SRSF12: variants seen among roughly 807,000 people sequenced by gnomAD.
SRSF12 encodes the protein serine/arginine-rich splicing factor 12.
In SRSF12, 21 loss-of-function variants were observed where a neutral mutation model predicts 34.1. The ratio of observed to expected loss-of-function variants is 0.62; its 90% CI spans 0.44 to 0.89. The LOEUF (loss-of-function observed/expected upper bound fraction) is 0.89, where lower values mean the gene tolerates loss of function less well. Ranked by LOEUF, SRSF12 falls within the 40% of genes least tolerant of loss-of-function variation. The pLI, the probability that SRSF12 is intolerant of heterozygous loss-of-function variation, is 0.00. For missense variants in SRSF12, 278 were observed against 327.8 expected, an observed-to-expected ratio of 0.85 and a Z score of 1.17; for synonymous variants, 111 against 110.8, an observed-to-expected ratio of 1.00 and a Z score of -0.01.
chr6:89,098,684 G>C lies in SRSF12; in HGVS notation c.680C>G (p.Ser227Cys), dbSNP rs370166331. ...TTCAGAATTGGTATACCCTTTGGGA[G>C]ATTTACACGGGGATCTTGCTATTGA... ...SDSIARSPCK[S>C]PKGYTNSETK... Residue 227 changes from serine (S) to cysteine (C), a missense_variant, in exon 5 of 5, where the codon TCT becomes TGT. Transcript: ENST00000452027. 1.2e-6 allele frequency: 2 copies of C among 1,613,910 alleles called. No individual in the cohort carries two copies. Among genetic ancestry groups the C allele is most frequent in the African/African-American group, 2.7e-5 (2 of 74,936 alleles).
At chr6:89,114,573 T>A (rs1239698723) in intron 1 of SRSF12, among the ~76,000 whole-genome samples, 1 of 151,794 alleles carries the variant, frequency 6.6e-6, no homozygotes, top group Non-Finnish European at 1.5e-5. Context: ...TATAATCTTG[T>A]AGATTTTGAT....
intron 1 of SRSF12, among the ~76,000 whole-genome samples, chr6:89,113,815 G>A (rs1274335783): frequency 6.6e-6 from 1 of 151,950 alleles, no homozygotes; most frequent in Non-Finnish European, 1.5e-5. Context: ...GCTAATTTTT[G>A]TATTTTTTGG....
chr6:89,111,109 CTT>C (rs75997148), intron 1 of SRSF12, among the ~76,000 whole-genome samples: 35 of 120,608 alleles, frequency 2.9e-4, no homozygotes, highest in Admixed American at 2.4e-4. Context: ...TGAGACTTGT[CTT>C]TTTTTTTTTT....
Position 89,117,868 on chromosome 6 carries a change from G to T in SRSF12, c.20C>A (p.Pro7His). Residue 7 changes from proline (P) to histidine (H), a missense_variant, in exon 1 of 5, where the codon CCC (proline) becomes CAC (histidine). Transcript: ENST00000452027. ...CCTGATGAACAGGGAGGTGTTGGGGGGCCTCGTGTAGCGAGACATGACCGC... is the reference window on the plus strand; with the variant it reads ...CCTGATGAACAGGGAGGTGTTGGGGTGCCTCGTGTAGCGAGACATGACCGC... MSRYTR[P>H]PNTSLFIRNV... 6.4e-7 allele frequency: 1 copy of T among 1,563,012 alleles called. No homozygotes were observed.
At chr6:89,109,760 G>A (rs1468584292) in intron 1 of SRSF12, among the ~76,000 whole-genome samples, 1 of 152,174 alleles carries the variant, frequency 6.6e-6, no homozygotes, top group Non-Finnish European at 1.5e-5. Context: ...ATTCAAAAAA[G>A]TACAGAGAAT....
chr6:89,110,065 T>C (rs1768972732), intron 1 of SRSF12, among the ~76,000 whole-genome samples: 1 of 151,962 alleles, frequency 6.6e-6, no homozygotes, highest in East Asian at 1.9e-4. Flanking sequence ...CACTCCAGCC[T>C]GGGCAACAGA....
chr6:89,109,719 T>C lies in SRSF12; in HGVS notation c.66-2461A>G, dbSNP rs539569112. Among the ~76,000 whole-genome samples, 4 of 152,350 alleles carry C rather than the reference T, an allele frequency of 2.6e-5. No homozygotes were observed. The South Asian group carries it at 8.3e-4, about 32-fold the overall frequency. Reference sequence around the variant, plus strand: ...CCCTCACCTGTTAGCTGTTGTTTTATTTTTGCACTTTTGGTATGATCTACT... The same window carrying C: ...CCCTCACCTGTTAGCTGTTGTTTTACTTTTGCACTTTTGGTATGATCTACT... On this transcript the variant is annotated intron_variant, in intron 1 of 4. Transcript: ENST00000452027.
intron 2 of SRSF12, 31 bp from the exon 3 acceptor site, chr6:89,105,561 G>A: frequency 3.5e-6 from 5 of 1,431,916 alleles, no homozygotes; most frequent in Non-Finnish European, 4.7e-6. Context: ...CTTTGAACAT[G>A]AGATATCAAG....
At chr6:89,110,825 C>T (rs933509569) in intron 1 of SRSF12, among the ~76,000 whole-genome samples, 2 of 152,078 alleles carry the variant, frequency 1.3e-5, no homozygotes, top group Non-Finnish European at 2.9e-5. Context: ...TGTTAGAATT[C>T]CCACTGTTGC....
In SRSF12 at chr6:89,098,556, G is replaced by A. The variant is rs377575936; in HGVS notation, c.*22C>T. ...TTTAATAACTTATATTAAAGACGGC[G>A]TGGTGCTCTTTCTGTTGCTGTTCAC... On this transcript the variant is annotated 3_prime_UTR_variant, in exon 5 of 5. Transcript: ENST00000452027. The A allele has an allele frequency of 1.4e-5, 22 of 1,587,108 alleles. No homozygotes were observed. Among genetic ancestry groups the A allele is most frequent in the East Asian group, 1.1e-4 (5 of 44,502 alleles).
chr6:89,099,921 C>T (rs1388855219), intron 4 of SRSF12, among the ~76,000 whole-genome samples: 2 of 152,108 alleles, frequency 1.3e-5, no homozygotes, highest in African/African-American at 4.8e-5. Context: ...GCAGGAAGAA[C>T]CTGAGGGATT....
intron 4 of SRSF12, among the ~76,000 whole-genome samples, chr6:89,099,558 G>A (rs1203402437): frequency 4.4e-5 from 6 of 136,146 alleles, no homozygotes; most frequent in East Asian, 2.1e-4. Context: ...TTTTTGAGAC[G>A]GAGTTTCGCT....
In SRSF12 at chr6:89,117,907, T is replaced by G; in HGVS notation, c.-20A>C. ...AGACATGACCGCTTCCTCCGTTCCCTCCGGGTCTGCCCGCGGCCGCTGGAC... is the reference window on the plus strand; with the variant it reads ...AGACATGACCGCTTCCTCCGTTCCCGCCGGGTCTGCCCGCGGCCGCTGGAC... On this transcript the variant is annotated 5_prime_UTR_variant, in exon 1 of 5. Transcript: ENST00000452027. 2 of 1,556,454 alleles carry G rather than the reference T, an allele frequency of 1.3e-6. No homozygotes were observed. The highest frequency in any genetic ancestry group is 2.3e-5 in the South Asian group (2 of 85,332).
At chr6:89,104,992 T>C (rs9362618) in intron 4 of SRSF12, 127 bp downstream of exon 4, 2 of 921,914 alleles carry the variant, frequency 2.2e-6, no homozygotes, top group Admixed American at 3.1e-5. Flanking sequence ...GGAGGTCAAG[T>C]CTACAGTGGG....
chr6:89,106,172 G>C (rs1768772793), intron 2 of SRSF12, among the ~76,000 whole-genome samples: 1 of 152,150 alleles, frequency 6.6e-6, no homozygotes, highest in African/African-American at 2.4e-5. Flanking sequence ...CCAGGCTGGA[G>C]TGCAATGGCG....
Position 89,107,221 on chromosome 6 carries a change from G to A in SRSF12, c.103C>T (p.Pro35Ser). ...DLRREFGRYG[P>S]IVDVYIPLDF... The stretch of plus-strand genomic sequence containing the variant: ...AGTGGAATGTAAACGTCTACTATAG[G>A]GCCATATCGACCAAACTCACGGCGC... The change falls in exon 2 of 5, where the codon CCT becomes TCT. Residue 35 changes from proline to serine, a missense_variant. Transcript: ENST00000452027. 1 of 1,613,930 alleles carries A rather than the reference G, an allele frequency of 6.2e-7. No individual in the cohort carries two copies. The highest frequency in any genetic ancestry group is 8.5e-7 in the Non-Finnish European group (1 of 1,179,992).
intron 1 of SRSF12, among the ~76,000 whole-genome samples, chr6:89,114,921 C>T (rs1313976844): frequency 6.6e-6 from 1 of 151,362 alleles, no homozygotes; most frequent in Non-Finnish European, 1.5e-5. Flanking sequence ...CTCCGCCTCC[C>T]GAGTAGCTGG....
Position 89,105,548 on chromosome 6 carries a change from A to C in SRSF12, c.171-18T>G, listed in dbSNP as rs1197085825. The C allele has an allele frequency of 1.3e-6, 2 of 1,520,822 alleles. No individual in the cohort carries two copies. The highest frequency in any genetic ancestry group is 2.8e-5 in the African/African-American group (2 of 71,804). 94.2% of individuals were successfully genotyped at this position (1,520,822 alleles called of 1,614,324 possible). A position where few individuals can be genotyped will look rare whatever the true frequency, so the allele number is the denominator to read the frequency against. ...CTTCAAATATGACTAGCTGTTAAGG[A>C]CACTTTGAACATGAGATATCAAGTA... On this transcript the variant is annotated intron_variant, in intron 2 of 4. Transcript: ENST00000452027.
At chr6:89,101,605 G>A (rs986922482) in intron 4 of SRSF12, among the ~76,000 whole-genome samples, 1 of 151,898 alleles carries the variant, frequency 6.6e-6, no homozygotes, top group Non-Finnish European at 1.5e-5. Context: ...GGCTGAGGCA[G>A]GAGAATCGCT....
Sources: allele counts gnomAD v4.1 joint callset (sites outside exome capture counted in the v4.1 genomes callset), GRCh38; gene constraint gnomAD v4.1.1; transcripts MANE v1.5; gene names NCBI Gene and HGNC (gene_info 2026-07-23, HGNC 2026-07-21).